MMS22L: variants seen among roughly 807,000 people sequenced by gnomAD.
MMS22L encodes the protein protein MMS22-like.
A neutral mutation model predicts 159.1 loss-of-function variants in MMS22L; 74 were observed. The observed-to-expected ratio is 0.47, with a 90% CI of 0.39 to 0.56. MMS22L has a LOEUF of 0.56. Among genes scored for constraint, MMS22L ranks in the 20% least tolerant of loss-of-function variants. The pLI is 0.00. For synonymous variants in MMS22L, 517 were observed against 506.9 expected, an observed-to-expected ratio of 1.02 and a Z score of -0.27; for missense variants, 1,351 against 1,422.1, an observed-to-expected ratio of 0.95 and a Z score of 0.80.
At chr6:97,154,347 T>C (rs1434704231) in intron 22 of MMS22L, among the ~76,000 whole-genome samples, 2 of 152,316 alleles carry the variant, frequency 1.3e-5, no homozygotes, top group South Asian at 2.1e-4. Context: ...TTATATATTA[T>C]AGATGCACAC....
intron 2 of MMS22L, 51 bp from the exon 3 acceptor site, chr6:97,281,413 T>G: frequency 7.0e-7 from 1 of 1,423,446 alleles, no homozygotes; most frequent in Non-Finnish European, 9.5e-7. Flanking sequence ...AGTACCATAA[T>G]ACGACGGCTC....
chr6:97,270,004 A>AT lies in MMS22L; in HGVS notation c.607-13dup, dbSNP rs768363598. 6.3e-7 allele frequency: 1 copy of AT among 1,594,162 alleles called. No homozygotes were observed. The highest frequency in any genetic ancestry group is 8.6e-7 in the Non-Finnish European group (1 of 1,163,186). ...GACGGTGGAAAAAGCTGTGGATGAC[A>AT]TTATCAACTGTGATTGAGAATTCAT... is the stretch of plus-strand genomic sequence containing the variant. On this transcript the variant is annotated splice_polypyrimidine_tract_variant and intron_variant, in intron 6 of 24. Transcript: ENST00000683635.
chr6:97,181,799 T>A (rs940506024), intron 16 of MMS22L, 105 bp downstream of exon 16: 32 of 1,138,250 alleles, frequency 2.8e-5, no homozygotes, highest in Non-Finnish European at 3.8e-5. Context: ...AGTGAGAGTA[T>A]ATGTAGTAGA....
chr6:97,238,715 T>C (rs1223838906), intron 11 of MMS22L, among the ~76,000 whole-genome samples: 1 of 148,946 alleles, frequency 6.7e-6, no homozygotes, highest in East Asian at 2.0e-4. Context: ...TTCTAAAGAA[T>C]GTCTTATCTT....
rs1800934489 is a variant in MMS22L at position 97,146,576 on chromosome 6, T to C, written c.*230A>G. 1 of 306,144 alleles carries C rather than the reference T, an allele frequency of 3.3e-6. No homozygotes were observed. Among genetic ancestry groups the C allele is most frequent in the East Asian group, 6.3e-5 (1 of 15,886 alleles). The allele number at this position is 306,144 out of a possible 1,614,324, so 19.0% of individuals were successfully genotyped here. On this transcript the variant is annotated 3_prime_UTR_variant, in exon 25 of 25. Transcript: ENST00000683635. ...TTAATTTAGTTTAACTAAAATTTCA[T>C]CAAGGTAGAATGCAGTTTTGTAAAA...
At position 97,223,469 on chromosome 6, in the gene MMS22L, G is replaced by A. The variant is rs958164246; in HGVS notation, c.2039+5425C>T. Among the ~76,000 whole-genome samples, 11 of 152,094 alleles carry A rather than the reference G, an allele frequency of 7.2e-5. No homozygotes were observed. The Middle Eastern group carries it at 0.01, about 142-fold the overall frequency. ...TCTGCTCTTAACTAAAGGGGGCGGC[G>A]AGCTTATGCTTTAATTTTTAACAAC... On this transcript the variant is annotated intron_variant, in intron 14 of 24. Transcript: ENST00000683635.
In MMS22L at chr6:97,151,831, A is replaced by G. The variant is rs201555935; in HGVS notation, c.3422T>C (p.Val1141Ala). 4.3e-5 allele frequency: 70 copies of G among 1,613,482 alleles called. 1 individual carries two copies. The highest frequency in any genetic ancestry group is 5.5e-5 in the Non-Finnish European group (65 of 1,179,674). ...TTCTGACCCCACTTGGCAGGCTTTT[A>G]CCATGTATTGCAGGTTCTCTGTGGC... ...RLATENLQYM[V>A]KACQVGSEEE... is the part of the protein sequence containing the mutation. The change falls in exon 23 of 25, where the codon GTA (valine) becomes GCA (alanine). Residue 1141 changes from valine (V) to alanine (A), a missense_variant. Val to Ala is a moderately conservative substitution (Grantham distance 64). Coordinates refer to ENST00000683635, the MANE Select transcript of MMS22L (RefSeq NM_001350599.2).
intron 22 of MMS22L, among the ~76,000 whole-genome samples, chr6:97,159,638 T>G (rs995883066): frequency 1.3e-5 from 2 of 152,004 alleles, no homozygotes; most frequent in Admixed American, 6.6e-5. Context: ...TTCCAAATGC[T>G]TCCAAATCTG....
At chr6:97,236,856 T>C (rs1270813984) in intron 11 of MMS22L, among the ~76,000 whole-genome samples, 2 of 150,524 alleles carry the variant, frequency 1.3e-5, no homozygotes, top group East Asian at 3.9e-4. Flanking sequence ...AAGGCTGAGG[T>C]AGGAGAATGG....
intron 9 of MMS22L, among the ~76,000 whole-genome samples, chr6:97,256,930 C>T (rs947193821): frequency 1.3e-5 from 2 of 152,162 alleles, no homozygotes; most frequent in Non-Finnish European, 2.9e-5. Flanking sequence ...CTGGGTGACA[C>T]AGTGAGACCT....
chr6:97,278,797 T>A, intron 4 of MMS22L, 52 bp downstream of exon 4: 1 of 1,478,246 alleles, frequency 6.8e-7, no homozygotes, highest in Non-Finnish European at 9.4e-7. Flanking sequence ...CATGTGCAAC[T>A]CACTATAATG....
At chr6:97,277,274 G>A (rs1816325379) in intron 4 of MMS22L, among the ~76,000 whole-genome samples, 1 of 152,028 alleles carries the variant, frequency 6.6e-6, no homozygotes, top group African/African-American at 2.4e-5. Flanking sequence ...TTATCCAGGT[G>A]TGGTGGTGTG....
At position 97,263,362 on chromosome 6, in the gene MMS22L, G is replaced by T; in HGVS notation, c.915C>A (p.Asp305Glu). 1.3e-6 allele frequency: 2 copies of T among 1,588,002 alleles called. No homozygotes were observed. The highest frequency in any genetic ancestry group is 1.7e-6 in the Non-Finnish European group (2 of 1,170,222). ...ELWVLLIHLL[D>E]HRSKWFVSES... is the part of the protein sequence containing the mutation. ...CCGAGACAAACCATTTACTTCTGTG[G>T]TCTAGAAGATGAATAAGTAGAACCC... The change falls in exon 9 of 25, where the codon GAC (aspartate) becomes GAA (glutamate). Residue 305 changes from aspartate (D) to glutamate (E), a missense_variant. Coordinates refer to ENST00000683635, the MANE Select transcript of MMS22L (RefSeq NM_001350599.2).
chr6:97,157,281 T>C (rs1158016921), intron 22 of MMS22L, among the ~76,000 whole-genome samples: 1 of 152,200 alleles, frequency 6.6e-6, no homozygotes, highest in Non-Finnish European at 1.5e-5. Flanking sequence ...CAATTTGACT[T>C]CCTCTTTTCC....
Position 97,208,370 on chromosome 6 carries a change from G to A in MMS22L, c.2039+20524C>T, listed in dbSNP as rs543210108. The stretch of plus-strand genomic sequence containing the variant: ...TATATAATCACCATTCAACAGACAC[G>A]TCATGCACTTTTAGCTGGATACCTA... On this transcript the variant is annotated intron_variant, in intron 14 of 24. Coordinates refer to ENST00000683635, the MANE Select transcript of MMS22L (RefSeq NM_001350599.2). Among the ~76,000 whole-genome samples, 9 of 152,084 alleles carry A rather than the reference G, an allele frequency of 5.9e-5. 1 individual carries two copies. The South Asian group carries it at 6.2e-4, about 11-fold the overall frequency.
At chr6:97,214,047 C>T (rs182863054) in intron 14 of MMS22L, among the ~76,000 whole-genome samples, 38 of 152,138 alleles carry the variant, frequency 2.5e-4, no homozygotes, top group Admixed American at 2.3e-3. Context: ...CGCTATGGCT[C>T]CCATTCATTT....
At chr6:97,184,550 A>G (rs1360936666) in intron 15 of MMS22L, among the ~76,000 whole-genome samples, 1 of 152,074 alleles carries the variant, frequency 6.6e-6, no homozygotes, top group Non-Finnish European at 1.5e-5. Context: ...TCTAGCCTCA[A>G]TCTTCCTCAT....
At chr6:97,263,291 T>A in intron 9 of MMS22L, 44 bp downstream of exon 9, 1 of 1,167,232 alleles carries the variant, frequency 8.6e-7, no homozygotes, top group East Asian at 2.5e-5. Flanking sequence ...TAAATCAATA[T>A]AAAGGTTAGT....
At chr6:97,177,655 T>C (rs1373119395) in intron 18 of MMS22L, among the ~76,000 whole-genome samples, 1 of 152,164 alleles carries the variant, frequency 6.6e-6, no homozygotes, top group Non-Finnish European at 1.5e-5. Context: ...GTATTTTACA[T>C]CTGCATTTAC....
Sources: gnomAD v4.1 joint callset for allele counts (sites outside exome capture counted in the v4.1 genomes callset) on GRCh38, gnomAD v4.1.1 for gene constraint, MANE v1.5 for transcripts, NCBI Gene and HGNC (gene_info 2026-07-23, HGNC 2026-07-21) for gene names.